KIF6: variants seen among roughly 807,000 people sequenced by gnomAD.
KIF6 encodes kinesin-like protein KIF6.
In KIF6, 106 loss-of-function variants were observed where a neutral mutation model predicts 112.7. That is an observed-to-expected ratio of 0.94 (90% CI 0.80 to 1.11). The LOEUF is 1.11. KIF6 is among the 50% of genes least tolerant of loss of function. The probability of loss-of-function intolerance (pLI) is 0.00; values close to 1 mark genes in which losing one functional copy is unlikely to be tolerated. For missense variants in KIF6, 929 were observed against 964.0 expected, an observed-to-expected ratio of 0.96 and a Z score of 0.48; for synonymous variants, 339 against 339.9, an observed-to-expected ratio of 1.00 and a Z score of 0.03.
At chr6:39,465,000 CT>C (rs1453213983) in intron 13 of KIF6, among the ~76,000 whole-genome samples, 1 of 152,204 alleles carries the variant, frequency 6.6e-6, no homozygotes, top group African/African-American at 2.4e-5. Context: ...GCTAGCAGCT[CT>C]AAGATGTATC....
Position 39,389,097 on chromosome 6 carries a change from G to A in KIF6, c.1811-3425C>T, listed in dbSNP as rs1247669859. On this transcript the variant is annotated intron_variant, in intron 15 of 22. Transcript: ENST00000287152. ...GAGACGGGTGACCTTAAATATGACC[G>A]CGAGCAGGGTATGTGGAGGTGGTGC... is the stretch of plus-strand genomic sequence containing the variant. Among the ~76,000 whole-genome samples the A allele has an allele frequency of 2.6e-5, 4 of 152,132 alleles. No individual in the cohort carries two copies. The East Asian group carries it at 5.8e-4, about 22-fold the overall frequency.
chr6:39,404,232 G>A (rs1439533280), intron 15 of KIF6, among the ~76,000 whole-genome samples: 1 of 151,926 alleles, frequency 6.6e-6, no homozygotes, highest in African/African-American at 2.4e-5. Context: ...TGATGTTTAA[G>A]AACATGTTGC....
In KIF6 at chr6:39,696,055, C is replaced by A. The variant is rs189191089; in HGVS notation, c.251+18637G>T. Reference sequence around the variant, plus strand: ...GAAAATCAAATGCCACATGTTCTCACGTGTAAGTGGGAGCTAGGCATTGGG... The same window carrying A: ...GAAAATCAAATGCCACATGTTCTCAAGTGTAAGTGGGAGCTAGGCATTGGG... On this transcript the variant is annotated intron_variant, in intron 3 of 22. Transcript: ENST00000287152. 2.9e-3 allele frequency among the ~76,000 whole-genome samples: 437 copies of A among 152,196 alleles called. 2 individuals are homozygous for A. The highest frequency in any genetic ancestry group is 5.0e-3 in the Non-Finnish European group (341 of 68,020).
intron 15 of KIF6, 65 bp downstream of exon 15, chr6:39,419,883 T>C: frequency 7.2e-7 from 1 of 1,391,760 alleles, no homozygotes; most frequent in Non-Finnish European, 1.0e-6. Context: ...TGGAGGCACA[T>C]CATGACCTGA....
chr6:39,627,592 A>G (rs1239853554), intron 5 of KIF6, among the ~76,000 whole-genome samples: 2 of 152,180 alleles, frequency 1.3e-5, no homozygotes, highest in African/African-American at 2.4e-5. Context: ...AGTGTTTTCT[A>G]TCCAGTAGGT....
chr6:39,595,215 A>G (rs539078205), intron 7 of KIF6, among the ~76,000 whole-genome samples: 4 of 152,354 alleles, frequency 2.6e-5, no homozygotes, highest in Middle Eastern at 3.4e-3. Context: ...TCGTTAATCT[A>G]CTAGCCTGAA....
Position 39,422,863 on chromosome 6 carries a change from G to A in KIF6, c.1755-2860C>T, listed in dbSNP as rs539624845. ...CCTGCCTCCTGATTATCTAAAAGGCGCATCCTCATCCATGAGATGGCTCAG... is the reference window on the plus strand; with the variant it reads ...CCTGCCTCCTGATTATCTAAAAGGCACATCCTCATCCATGAGATGGCTCAG... On this transcript the variant is annotated intron_variant, in intron 14 of 22. Transcript: ENST00000287152. 3.9e-5 allele frequency among the ~76,000 whole-genome samples: 6 copies of A among 152,212 alleles called. No homozygotes were observed. The South Asian group carries it at 8.3e-4, about 21-fold the overall frequency.
At chr6:39,340,942 C>A (rs560816394) in intron 22 of KIF6, among the ~76,000 whole-genome samples, 3 of 152,112 alleles carry the variant, frequency 2.0e-5, no homozygotes, top group African/African-American at 7.2e-5. Flanking sequence ...CCTGCGTATC[C>A]AAGCCTTCCT....
At chr6:39,666,332 A>C (rs1786459440) in intron 3 of KIF6, among the ~76,000 whole-genome samples, 1 of 152,162 alleles carries the variant, frequency 6.6e-6, no homozygotes, top group Non-Finnish European at 1.5e-5. Flanking sequence ...TGTTTTTTCC[A>C]GTCATTAGTA....
chr6:39,633,826 T>C (rs1442159635), intron 5 of KIF6, among the ~76,000 whole-genome samples: 1 of 152,180 alleles, frequency 6.6e-6, no homozygotes, highest in Non-Finnish European at 1.5e-5. Flanking sequence ...TGACCTCAGT[T>C]ATATAACAGT....
chr6:39,426,809 T>C (rs1049809957), intron 14 of KIF6, among the ~76,000 whole-genome samples: 9 of 152,112 alleles, frequency 5.9e-5, no homozygotes, highest in Non-Finnish European at 1.5e-5. Flanking sequence ...TGTCCCCTCC[T>C]GCAACTCTAA....
intron 5 of KIF6, among the ~76,000 whole-genome samples, chr6:39,625,581 G>A (rs947568307): frequency 6.6e-6 from 1 of 152,140 alleles, no homozygotes; most frequent in Non-Finnish European, 1.5e-5. Flanking sequence ...GAAAAGACTG[G>A]AGTTAGCTTT....
intron 19 of KIF6, among the ~76,000 whole-genome samples, chr6:39,355,909 T>C (rs548162508): frequency 6.6e-6 from 1 of 152,286 alleles, no homozygotes; most frequent in African/African-American, 2.4e-5. Context: ...GTGGTTCATT[T>C]GCCACAATCA....
At chr6:39,466,925 G>A (rs1773825605) in intron 13 of KIF6, among the ~76,000 whole-genome samples, 1 of 152,186 alleles carries the variant, frequency 6.6e-6, no homozygotes, top group South Asian at 2.1e-4. Flanking sequence ...AAGGCAAAAG[G>A]CTACTTCCCC....
At chr6:39,560,648 G>A (rs1188615710) in intron 10 of KIF6, among the ~76,000 whole-genome samples, 1 of 152,140 alleles carries the variant, frequency 6.6e-6, no homozygotes, top group Non-Finnish European at 1.5e-5. Flanking sequence ...GTGACAGGTA[G>A]AATTTTGACT....
At chr6:39,444,991 G>A (rs1161235967) in intron 13 of KIF6, among the ~76,000 whole-genome samples, 1 of 152,192 alleles carries the variant, frequency 6.6e-6, no homozygotes, top group African/African-American at 2.4e-5. Flanking sequence ...TGAGAGCCCA[G>A]GGTCTGGGTT....
intron 3 of KIF6, among the ~76,000 whole-genome samples, chr6:39,648,027 CTTT>C (rs780247547): frequency 8.8e-6 from 1 of 113,446 alleles, no homozygotes; most frequent in Non-Finnish European, 1.9e-5. Context: ...TTTTAACTTT[CTTT>C]TTTTTTTTTT....
At chr6:39,626,617 C>T (rs1784108929) in intron 5 of KIF6, among the ~76,000 whole-genome samples, 1 of 152,132 alleles carries the variant, frequency 6.6e-6, no homozygotes, top group Non-Finnish European at 1.5e-5. Context: ...CAGTCCTTAG[C>T]ATAAAAACTG....
At chr6:39,433,612 C>A (rs1377976296) in intron 13 of KIF6, among the ~76,000 whole-genome samples, 1 of 152,172 alleles carries the variant, frequency 6.6e-6, no homozygotes, top group Non-Finnish European at 1.5e-5. Context: ...ATTGTGGTGA[C>A]CACAGGTGAA....
Sources: allele counts gnomAD v4.1 joint callset (sites outside exome capture counted in the v4.1 genomes callset), GRCh38; gene constraint gnomAD v4.1.1; transcripts MANE v1.5; gene names NCBI Gene and HGNC (gene_info 2026-07-23, HGNC 2026-07-21).